Variants in SPRY4 observed in about 807,000 individuals in gnomAD.
SPRY4 encodes the protein protein sprouty homolog 4.
A neutral mutation model predicts 17.0 loss-of-function variants in SPRY4; 7 were observed. The observed-to-expected ratio is 0.41, with a 90% CI of 0.23 to 0.77. The LOEUF (loss-of-function observed/expected upper bound fraction) is 0.77, where lower values mean the gene tolerates loss of function less well. Ranked by LOEUF, SPRY4 falls within the 30% of genes least tolerant of loss-of-function variation. The pLI is 0.32. For missense variants in SPRY4, 435 were observed against 419.9 expected (o/e 1.04, Z -0.31); for synonymous variants, 183 against 174.1 (o/e 1.05, Z -0.40).
At chr5:142,316,271 C>T (rs1267582516) in intron 1 of SPRY4, among the ~76,000 whole-genome samples, 1 of 151,916 alleles carries the variant, frequency 6.6e-6, no homozygotes, top group Non-Finnish European at 1.5e-5. Context: ...TGACACGGAA[C>T]CCCAGGAAGT....
chr5:142,321,388 G>T (rs1192242769), intron 1 of SPRY4, among the ~76,000 whole-genome samples: 1 of 152,154 alleles, frequency 6.6e-6, no homozygotes, highest in East Asian at 1.9e-4. Flanking sequence ...CTCTGTTCTA[G>T]CCCCTGGCTT....
chr5:142,314,721 G>C lies in SPRY4; in HGVS notation c.388C>G (p.Arg130Gly), dbSNP rs201186039. ...VADQASPRAVRIQPKVVHCQP... is the reference protein window; with the variant it reads ...VADQASPRAVGIQPKVVHCQP... ...CAGTGGACCACCTTGGGCTGGATGCGCACAGCCCTTGGTGAGGCCTGGTCA... is the reference window on the plus strand; with the variant it reads ...CAGTGGACCACCTTGGGCTGGATGCCCACAGCCCTTGGTGAGGCCTGGTCA... The change falls in exon 2 of 2, where the codon CGC becomes GGC. Residue 130 changes from arginine to glycine, a missense_variant. Transcript: ENST00000434127. The surrounding 1 kb of genome is among the most constrained non-coding windows in gnomAD (Gnocchi z 4.8). 8 of 1,612,628 alleles carry C rather than the reference G, an allele frequency of 5.0e-6. No individual in the cohort carries two copies. Among genetic ancestry groups the C allele is most frequent in the East Asian group, 2.2e-5 (1 of 44,822 alleles).
Position 142,314,596 on chromosome 5 carries a change from T to A in SPRY4, c.513A>T (p.Ala171=), listed in dbSNP as rs1256780310. The A allele has an allele frequency of 1.2e-6, 2 of 1,614,096 alleles. No individual in the cohort carries two copies. Among genetic ancestry groups the A allele is most frequent in the Non-Finnish European group, 8.5e-7 (1 of 1,180,032 alleles). ...ACGKCKCKEC[A]SPRTLPSCWV... The stretch of plus-strand genomic sequence containing the variant: ...AGCAGGAAGGCAACGTCCGGGGGGA[T>A]GCACACTCCTTGCATTTACACTTCC... Residue 171 remains alanine, a synonymous_variant, in exon 2 of 2, where the codon GCA becomes GCT. Transcript: ENST00000434127. This position sits in a 1 kb window ranked among gnomAD's most constrained non-coding sequence, Gnocchi z 4.8.
rs764075141 is a variant in SPRY4 at position 142,315,133 on chromosome 5, G to A, written c.-25C>T. ...TGGGGCTGGAGGTCCTGGACTGTACGGAGAAACAGGCTTCTAGGGGCCCTG... is the reference window on the plus strand; with the variant it reads ...TGGGGCTGGAGGTCCTGGACTGTACAGAGAAACAGGCTTCTAGGGGCCCTG... On this transcript the variant is annotated 5_prime_UTR_variant, in exon 2 of 2. Transcript: ENST00000434127. The A allele has an allele frequency of 8.1e-5, 130 of 1,600,482 alleles. No individual in the cohort carries two copies. The highest frequency in any genetic ancestry group is 3.3e-4 in the Middle Eastern group (2 of 6,046).
rs115482436 is a variant in SPRY4 at position 142,310,693 on chromosome 5, T to C, written c.*3516A>G. On this transcript the variant is annotated 3_prime_UTR_variant, in exon 2 of 2. Transcript: ENST00000434127. ...GCGGGGTGGGAGCCTCGAGCTTTTC[T>C]GTTTGTAACATGAAACCAAGCTGTG... 589 of 152,518 alleles carry C rather than the reference T, an allele frequency of 3.9e-3. 3 individuals carry two copies. The highest frequency in any genetic ancestry group is 0.014 in the Middle Eastern group (4 of 294). The allele number at this position is 152,518 out of a possible 1,614,324, so 9.4% of individuals were successfully genotyped here.
In SPRY4 at chr5:142,314,589, G is replaced by A. The variant is rs369403370; in HGVS notation, c.520C>T (p.Arg174Trp). Residue 174 changes from arginine (R) to tryptophan (W), a missense_variant, in exon 2 of 2, where the codon CGG becomes TGG. Arg to Trp is a moderately radical substitution (Grantham distance 101). Transcript: ENST00000434127. The surrounding 1 kb of genome is among the most constrained non-coding windows in gnomAD (Gnocchi z 4.8). ...CAGACCCAGCAGGAAGGCAACGTCCGGGGGGATGCACACTCCTTGCATTTA... is the reference window on the plus strand; with the variant it reads ...CAGACCCAGCAGGAAGGCAACGTCCAGGGGGATGCACACTCCTTGCATTTA... ...KCKCKECASP[R>W]TLPSCWVCNQ... 132 of 1,614,204 alleles carry A rather than the reference G, an allele frequency of 8.2e-5. No homozygotes were observed. Among genetic ancestry groups the A allele is most frequent in the Non-Finnish European group, 1.0e-4 (119 of 1,180,020 alleles).
chr5:142,314,805 T>C lies in SPRY4; in HGVS notation c.304A>G (p.Ser102Gly), dbSNP rs774964943. 6.3e-7 allele frequency: 1 copy of C among 1,593,800 alleles called. No homozygotes were observed. The highest frequency in any genetic ancestry group is 1.1e-5 in the South Asian group (1 of 88,744). Reference protein sequence around the residue: ...FSGRPSSVSSSSSTSSDQRLL... With the variant: ...FSGRPSSVSSGSSTSSDQRLL... ...CGTTGGTCAGAGGATGTGCTGCTGC[T>C]GCTGCTCACAGAGCTGGGGCGCCCG... The change falls in exon 2 of 2, where the codon AGC (serine) becomes GGC (glycine). Residue 102 changes from serine (S) to glycine (G), a missense_variant. Transcript: ENST00000434127. The surrounding 1 kb of genome is among the most constrained non-coding windows in gnomAD (Gnocchi z 4.8).
At chr5:142,316,128 C>G (rs1037975831) in intron 1 of SPRY4, among the ~76,000 whole-genome samples, 1 of 152,122 alleles carries the variant, frequency 6.6e-6, no homozygotes, top group Non-Finnish European at 1.5e-5. Flanking sequence ...CACCCATTTC[C>G]AAGTGCTGAG....
chr5:142,311,916 ACAGT>A lies in SPRY4; in HGVS notation c.*2289_*2292del, dbSNP rs553017323. On this transcript the variant is annotated 3_prime_UTR_variant, in exon 2 of 2. Coordinates refer to ENST00000434127, the MANE Select transcript of SPRY4 (RefSeq NM_001127496.3). The stretch of plus-strand genomic sequence containing the variant: ...CAGGAAATAGGGTCTTTGTCGGTAG[ACAGT>A]CAGTGTGGGGTAGGGGTGTGTGTGT... The A allele has an allele frequency of 3.0e-4, 37 of 125,370 alleles. No homozygotes were observed. The East Asian group carries it at 6.5e-3, about 22-fold the overall frequency. The allele number at this position is 125,370 out of a possible 1,614,324, so 7.8% of individuals were successfully genotyped here.
chr5:142,317,865 T>G (rs968204970), intron 1 of SPRY4: 1 of 985,264 alleles, frequency 1.0e-6, no homozygotes, highest in African/African-American at 1.7e-5. Context: ...GGGCCTGCAG[T>G]TGAGGCCAGA....
At chr5:142,318,069 C>T in intron 1 of SPRY4, 1 of 985,310 alleles carries the variant, frequency 1.0e-6, no homozygotes, top group Non-Finnish European at 1.2e-6. Flanking sequence ...CCAGCAGGGA[C>T]CCTCCAAGAG....
rs370041280 is a variant in SPRY4 at position 142,314,902 on chromosome 5, G to A, written c.207C>T (p.Gly69=). ...ALTTGPKRTR[G]GAPELAPTPA... is the part of the protein sequence containing the mutation. ...GCGTCGGGGCCAGCTCTGGGGCCCCGCCCCGGGTCCGCTTTGGGCCGGTGG... is the reference window on the plus strand; with the variant it reads ...GCGTCGGGGCCAGCTCTGGGGCCCCACCCCGGGTCCGCTTTGGGCCGGTGG... Residue 69 remains glycine (G), a synonymous_variant, in exon 2 of 2, where the codon GGC becomes GGT. Coordinates refer to ENST00000434127, the MANE Select transcript of SPRY4 (RefSeq NM_001127496.3). The surrounding 1 kb of genome is among the most constrained non-coding windows in gnomAD (Gnocchi z 4.8). 3.3e-5 allele frequency: 53 copies of A among 1,607,774 alleles called. No homozygotes were observed. Among genetic ancestry groups the A allele is most frequent in the East Asian group, 4.5e-5 (2 of 44,756 alleles).
At position 142,314,776 on chromosome 5, in the gene SPRY4, G is replaced by C. The variant is rs747866906; in HGVS notation, c.333C>G (p.Leu111=). ...CGGGTGGTGGTGCCATGTGGTCTAAGAGCCGTTGGTCAGAGGATGTGCTGC... is the reference window on the plus strand; with the variant it reads ...CGGGTGGTGGTGCCATGTGGTCTAACAGCCGTTGGTCAGAGGATGTGCTGC... ...SSSSTSSDQR[L]LDHMAPPPVA... is the part of the protein sequence containing the mutation. Residue 111 remains leucine, a synonymous_variant, in exon 2 of 2, where the codon CTC becomes CTG. Transcript: ENST00000434127. The surrounding 1 kb of genome is among the most constrained non-coding windows in gnomAD (Gnocchi z 4.8). 2.4e-5 allele frequency: 39 copies of C among 1,602,132 alleles called. No individual in the cohort carries two copies. The highest frequency in any genetic ancestry group is 3.4e-5 in the Admixed American group (2 of 59,684).
At position 142,315,218 on chromosome 5, in the gene SPRY4, AATACCT is replaced by A. The variant is rs1443769395; in HGVS notation, c.-47-69_-47-64del. On this transcript the variant is annotated intron_variant, in intron 1 of 1. Transcript: ENST00000434127. ...TCCAGGCATCAGTATGTGGCCTGCC[AATACCT>A]CACCCCCCATCAGGTCCTTGGGAGC... 6.5e-6 allele frequency: 7 copies of A among 1,084,890 alleles called. No homozygotes were observed. The African/African-American group carries it at 1.1e-4, about 17-fold the overall frequency. 67.2% of individuals were successfully genotyped at this position (1,084,890 alleles called of 1,614,324 possible).
intron 1 of SPRY4, 40 bp downstream of exon 1, chr5:142,324,804 G>C (rs1759476693): frequency 6.5e-6 from 1 of 152,948 alleles, no homozygotes; most frequent in Non-Finnish European, 1.5e-5. Context: ...GCGGCTCAGA[G>C]AGGGGCAGTT....
chr5:142,322,107 A>T (rs1478871872), intron 1 of SPRY4, among the ~76,000 whole-genome samples: 6 of 152,222 alleles, frequency 3.9e-5, no homozygotes, highest in Admixed American at 1.3e-4. Flanking sequence ...GGCTGGGGTC[A>T]TGGGTGGGTG....
At position 142,324,955 on chromosome 5, in the gene SPRY4, C is replaced by A. The variant is rs371785048; in HGVS notation, c.-159G>T. The A allele has an allele frequency of 6.5e-6, 1 of 152,712 alleles. No individual in the cohort carries two copies. The highest frequency in any genetic ancestry group is 6.5e-5 in the Admixed American group (1 of 15,290). The allele number at this position is 152,712 out of a possible 1,614,324, so 9.5% of individuals were successfully genotyped here. ...ACGCCGGTCGGAGGAACCGGCAAGG[C>A]TCCCTGCGCTCCACAGCGCCAGCTC... On this transcript the variant is annotated 5_prime_UTR_variant, in exon 1 of 2. Coordinates refer to ENST00000434127, the MANE Select transcript of SPRY4 (RefSeq NM_001127496.3).
chr5:142,315,349 A>G lies in SPRY4; in HGVS notation c.-47-194T>C. The G allele has an allele frequency of 1.9e-5, 11 of 564,784 alleles. 1 individual carries two copies. The South Asian group carries it at 2.8e-4, about 14-fold the overall frequency. The allele number at this position is 564,784 out of a possible 1,614,324, so 35.0% of individuals were successfully genotyped here. A position where few individuals can be genotyped will look rare whatever the true frequency, so the allele number is the denominator to read the frequency against. ...TGACAAGAAGTCAGTGGTGGAAATA[A>G]TACTACTGAGCACTTAAGATGGAGG... On this transcript the variant is annotated intron_variant, in intron 1 of 1. Coordinates refer to ENST00000434127, the MANE Select transcript of SPRY4 (RefSeq NM_001127496.3).
intron 1 of SPRY4, chr5:142,315,708 G>A (rs988639367): frequency 6.6e-6 from 1 of 152,580 alleles, no homozygotes; most frequent in Non-Finnish European, 1.5e-5. Flanking sequence ...TTAGATTTTG[G>A]TTTTGTCATC....
Sources: gnomAD v4.1 joint callset for allele counts (sites outside exome capture counted in the v4.1 genomes callset) on GRCh38, gnomAD v4.1.1 for gene constraint, Gnocchi (gnomAD v3.1) non-coding constraint, MANE v1.5 for transcripts, NCBI Gene and HGNC (gene_info 2026-07-23, HGNC 2026-07-21) for gene names.